The following NEK6 variants were observed in gnomAD, a reference collection of about 807,000 sequenced individuals.
The protein encoded by NEK6 is NIMA related kinase 6, also known as serine/threonine-protein kinase Nek6.
In NEK6, 27 loss-of-function variants were observed where a neutral mutation model predicts 43.5. The observed-to-expected ratio is 0.62, with a 90% CI of 0.46 to 0.86. The LOEUF (loss-of-function observed/expected upper bound fraction) is 0.86, where lower values mean the gene tolerates loss of function less well. Among genes scored for constraint, NEK6 ranks in the 40% least tolerant of loss-of-function variants. The pLI is 0.00. For missense variants in NEK6, 318 were observed against 414.4 expected (o/e 0.77, Z 2.02); for synonymous variants, 167 against 164.1 (o/e 1.02, Z -0.14).
rs117585522 is a variant in NEK6, at chr9:124,275,393, G to C, written c.-30+17308G>C. 2.0e-5 allele frequency among the ~76,000 whole-genome samples: 3 copies of C among 152,122 alleles called. No individual in the cohort carries two copies. The highest frequency in any genetic ancestry group is 4.4e-5 in the Non-Finnish European group (3 of 68,016). ...GTGGAGGGGTGACCTGGTTGATGAC[G>C]GTCATGGAGCCCAGAACCCATGGGT... On this transcript the variant is annotated intron_variant, in intron 1 of 9. Transcript: ENST00000320246. This position sits in a 1 kb window ranked among gnomAD's most constrained non-coding sequence, Gnocchi z 4.4.
chr9:124,302,693 C>A (rs1833048027), intron 2 of NEK6, among the ~76,000 whole-genome samples: 1 of 152,256 alleles, frequency 6.6e-6, no homozygotes, highest in Non-Finnish European at 1.5e-5. Context: ...TCTTCCAAGT[C>A]AGTGCAAATG....
At chr9:124,294,928 G>A (rs190281527) in intron 1 of NEK6, among the ~76,000 whole-genome samples, 61 of 152,280 alleles carry the variant, frequency 4.0e-4, no homozygotes, top group Admixed American at 1.2e-3. Context: ...GAGGCCCTGG[G>A]GTGAGTGAAG....
intron 7 of NEK6, among the ~76,000 whole-genome samples, chr9:124,338,338 T>G (rs1230895547): frequency 6.6e-6 from 1 of 152,260 alleles, no homozygotes; most frequent in East Asian, 1.9e-4. Context: ...TCACTTCATG[T>G]GCTTCTTGGC....
At chr9:124,320,335 G>C (rs547500596) in intron 4 of NEK6, among the ~76,000 whole-genome samples, 15 of 152,336 alleles carry the variant, frequency 9.8e-5, no homozygotes, top group Admixed American at 7.2e-4. Flanking sequence ...GCCCACACAT[G>C]GGGGGCTGGC....
intron 1 of NEK6, among the ~76,000 whole-genome samples, chr9:124,262,140 A>G (rs930077640): frequency 6.6e-6 from 1 of 152,096 alleles, no homozygotes; most frequent in Non-Finnish European, 1.5e-5. Flanking sequence ...TGAGGGCCTC[A>G]GTGGCTTTTT....
At chr9:124,306,186 G>A (rs1278712780) in intron 2 of NEK6, among the ~76,000 whole-genome samples, 2 of 152,254 alleles carry the variant, frequency 1.3e-5, no homozygotes, top group East Asian at 3.9e-4. Flanking sequence ...TCACTTGGTA[G>A]TGGAAGGGAT....
chr9:124,285,942 G>C (rs914531543), intron 1 of NEK6, among the ~76,000 whole-genome samples: 1 of 152,190 alleles, frequency 6.6e-6, no homozygotes, highest in Middle Eastern at 3.2e-3. Context: ...AACGATGCTG[G>C]GTACATACTA....
chr9:124,348,202 T>C (rs1292396428), intron 9 of NEK6, among the ~76,000 whole-genome samples: 1 of 152,156 alleles, frequency 6.6e-6, no homozygotes, highest in Non-Finnish European at 1.5e-5. Context: ...GGCGTCCCCA[T>C]ACCACCAGTG....
intron 6 of NEK6, among the ~76,000 whole-genome samples, chr9:124,327,043 C>A (rs546717944): frequency 6.6e-6 from 1 of 152,188 alleles, no homozygotes; most frequent in Non-Finnish European, 1.5e-5. Context: ...AGGCACTGTT[C>A]TAGGCATGGA....
chr9:124,257,786 G>T, upstream of NEK6: 1 of 1,454,824 alleles, frequency 6.9e-7, no homozygotes, highest in Non-Finnish European at 9.1e-7. Context: ...CGAGCGGATC[G>T]GCCGCAGAAC....
intron 7 of NEK6, among the ~76,000 whole-genome samples, chr9:124,331,828 G>A (rs1829014171): frequency 6.6e-6 from 1 of 152,222 alleles, no homozygotes; most frequent in Non-Finnish European, 1.5e-5. Context: ...TGCAGGTGCG[G>A]AGGGCCATGC....
intron 2 of NEK6, among the ~76,000 whole-genome samples, chr9:124,309,820 A>G (rs1203832536): frequency 1.3e-5 from 2 of 152,246 alleles, no homozygotes; most frequent in African/African-American, 4.8e-5. Flanking sequence ...TCTGAGTCAC[A>G]GAGTCCCACT....
At chr9:124,292,787 A>C (rs1258221647) in intron 1 of NEK6, 3 of 1,358,170 alleles carry the variant, frequency 2.2e-6, no homozygotes, top group South Asian at 1.6e-5. Flanking sequence ...TCCTCTGCCA[A>C]CTGCTGGGGC....
chr9:124,328,049 T>G (rs1214060373), intron 7 of NEK6, among the ~76,000 whole-genome samples: 1 of 152,106 alleles, frequency 6.6e-6, no homozygotes, highest in Non-Finnish European at 1.5e-5. Flanking sequence ...GGGCAGGGCC[T>G]TGAACTCTGA....
At chr9:124,332,042 AG>A (rs149435647) in intron 7 of NEK6, among the ~76,000 whole-genome samples, 2,806 of 152,328 alleles carry the variant, frequency 0.018, 75 homozygotes, top group African/African-American at 0.064. Flanking sequence ...TGGCATTTTC[AG>A]GGGCACAGAC....
intron 8 of NEK6, 116 bp downstream of exon 8, chr9:124,339,781 C>G: frequency 2.6e-6 from 2 of 761,882 alleles, no homozygotes; most frequent in South Asian, 3.1e-5. Context: ...TCACGTCTGC[C>G]TGAGGCATCG....
chr9:124,289,175 C>T (rs1216673088), intron 1 of NEK6, among the ~76,000 whole-genome samples: 1 of 21,248 alleles, frequency 4.7e-5, no homozygotes, highest in East Asian at 4.4e-3. Flanking sequence ...ACACCCCCCC[C>T]GCCCCCCCCC....
At chr9:124,341,287 C>T (rs1215338534) in intron 8 of NEK6, among the ~76,000 whole-genome samples, 2 of 152,194 alleles carry the variant, frequency 1.3e-5, no homozygotes, top group Non-Finnish European at 2.9e-5. Flanking sequence ...AGCCAGTGAC[C>T]TGCTATATTT....
Position 124,351,118 on chromosome 9 carries a change from G to T in NEK6, c.*171G>T, listed in dbSNP as rs1264658665. The T allele has an allele frequency of 8.7e-6, 5 of 575,638 alleles. No individual in the cohort carries two copies. The highest frequency in any genetic ancestry group is 1.6e-5 in the Non-Finnish European group (5 of 320,376). 35.7% of individuals were successfully genotyped at this position (575,638 alleles called of 1,614,324 possible). A position where few individuals can be genotyped will look rare whatever the true frequency, so the allele number is the denominator to read the frequency against. On this transcript the variant is annotated 3_prime_UTR_variant, in exon 10 of 10. Coordinates refer to ENST00000320246, the MANE Select transcript of NEK6 (RefSeq NM_014397.6). ...GATGCTGAAGGCAGAGCAGCTGAGGGAGGGGCGCTGGCCACATGTCACTGA... is the reference window on the plus strand; with the variant it reads ...GATGCTGAAGGCAGAGCAGCTGAGGTAGGGGCGCTGGCCACATGTCACTGA...
Sources: gnomAD v4.1 joint callset for allele counts (sites outside exome capture counted in the v4.1 genomes callset) on GRCh38, gnomAD v4.1.1 for gene constraint, Gnocchi (gnomAD v3.1) non-coding constraint, MANE v1.5 for transcripts, NCBI Gene and HGNC (gene_info 2026-07-23, HGNC 2026-07-21) for gene names.